COL21A1: variants seen among roughly 807,000 people sequenced by gnomAD.
The protein encoded by COL21A1 is collagen alpha-1(XXI) chain.
Under a neutral mutation model 137.9 loss-of-function variants are expected in COL21A1, and 149 were observed. The observed-to-expected ratio is 1.08, with a 90% CI of 0.95 to 1.24. The LOEUF (loss-of-function observed/expected upper bound fraction) is 1.24, where lower values mean the gene tolerates loss of function less well. Among genes scored for constraint, COL21A1 ranks in the 50% most tolerant of loss-of-function variants. COL21A1 has a pLI of 0.00. For synonymous variants in COL21A1, 456 were observed against 391.5 expected, an observed-to-expected ratio of 1.16 and a Z score of -1.95; for missense variants, 1,167 against 1,158.4, an observed-to-expected ratio of 1.01 and a Z score of -0.11.
In COL21A1 at chr6:56,070,808, C is replaced by T; in HGVS notation, c.1966-10G>A. On this transcript the variant is annotated splice_polypyrimidine_tract_variant and intron_variant, in intron 20 of 29. Transcript: ENST00000244728. Reference sequence around the variant, plus strand: ...GTTCACCTTTGCTTCCCTGTCAACACATCAAAAACATTGGAGTTTTTTAAA... The same window carrying T: ...GTTCACCTTTGCTTCCCTGTCAACATATCAAAAACATTGGAGTTTTTTAAA... The T allele has an allele frequency of 1.9e-6, 3 of 1,588,206 alleles. No individual in the cohort carries two copies. The highest frequency in any genetic ancestry group is 2.6e-6 in the Non-Finnish European group (3 of 1,169,840).
At position 56,240,559 on chromosome 6, in the gene COL21A1, G is replaced by A. The variant is rs536899447; in HGVS notation, c.-39+6828C>T. Among the ~76,000 whole-genome samples the A allele has an allele frequency of 7.2e-5, 11 of 152,352 alleles. No individual in the cohort carries two copies. The South Asian group carries it at 2.3e-3, about 32-fold the overall frequency. On this transcript the variant is annotated intron_variant, in intron 1 of 29. Transcript: ENST00000244728. ...TTTCTCAGTAGACCAATTTCCTAAA[G>A]GATCCAATGACTTCATGCTGACTTA...
intron 1 of COL21A1, among the ~76,000 whole-genome samples, chr6:56,271,859 G>C (rs776291381): frequency 9.9e-5 from 15 of 152,244 alleles, no homozygotes; most frequent in Non-Finnish European, 1.9e-4. Flanking sequence ...CCACAGCTTG[G>C]TGGCTTCCAT....
In COL21A1 at chr6:56,170,989, T is replaced by C. The variant is rs1277980392; in HGVS notation, c.780A>G (p.Thr260=). 2 of 1,604,366 alleles carry C rather than the reference T, an allele frequency of 1.2e-6. No individual in the cohort carries two copies. The highest frequency in any genetic ancestry group is 2.2e-5 in the East Asian group (1 of 44,790). The change falls in exon 4 of 30, where the codon ACA becomes ACG. Residue 260 remains threonine, a synonymous_variant. Transcript: ENST00000244728. ...TGAGTTCTGATAAATCAACTTTTGA[T>C]GTTACTTCATATCCTTTTATCTTTT... ...SPKKIKGYEV[T]SKVDLSELTS...
intron 1 of COL21A1, among the ~76,000 whole-genome samples, chr6:56,277,006 G>C (rs1288465022): frequency 2.4e-5 from 3 of 125,298 alleles, no homozygotes; most frequent in Admixed American, 7.3e-5. Flanking sequence ...ATTTTTAGTA[G>C]AGATGGGTTT....
At chr6:56,323,625 T>C (rs1290608045) in intron 1 of COL21A1, among the ~76,000 whole-genome samples, 2 of 152,030 alleles carry the variant, frequency 1.3e-5, no homozygotes, top group African/African-American at 4.8e-5. Context: ...TCTGAACTCG[T>C]GATCCACCCT....
intron 1 of COL21A1, among the ~76,000 whole-genome samples, chr6:56,219,552 T>C (rs1462929517): frequency 6.6e-6 from 1 of 152,120 alleles, no homozygotes; most frequent in East Asian, 1.9e-4. Flanking sequence ...GCGTCTCGAC[T>C]TTTTGCAAAT....
intron 17 of COL21A1, among the ~76,000 whole-genome samples, chr6:56,085,302 C>G (rs1165889609): frequency 6.6e-6 from 1 of 151,962 alleles, no homozygotes; most frequent in African/African-American, 2.4e-5. Flanking sequence ...GGATTTACCT[C>G]TCTCATATAA....
chr6:56,207,998 A>C (rs1379257775), intron 1 of COL21A1, among the ~76,000 whole-genome samples: 1 of 151,846 alleles, frequency 6.6e-6, no homozygotes, highest in African/African-American at 2.4e-5. Context: ...CATGCTAAAA[A>C]CTCTCCATAA....
At chr6:56,116,809 G>A (rs573163646) in intron 16 of COL21A1, among the ~76,000 whole-genome samples, 4 of 151,970 alleles carry the variant, frequency 2.6e-5, no homozygotes, top group African/African-American at 9.6e-5. Flanking sequence ...AAAACCAGGG[G>A]CACAAAGTTA....
intron 1 of COL21A1, among the ~76,000 whole-genome samples, chr6:56,242,204 T>C (rs1782369689): frequency 2.0e-5 from 3 of 152,164 alleles, no homozygotes; most frequent in Admixed American, 6.5e-5. Flanking sequence ...AATGTTAAAG[T>C]ATATTAATTT....
At chr6:56,171,871 A>T (rs996234156) in intron 3 of COL21A1, among the ~76,000 whole-genome samples, 1 of 151,976 alleles carries the variant, frequency 6.6e-6, no homozygotes, top group African/African-American at 2.4e-5. Context: ...GTATACAATG[A>T]CTGAAAAAAT....
intron 1 of COL21A1, among the ~76,000 whole-genome samples, chr6:56,364,865 CT>C (rs1176015075): frequency 6.6e-6 from 1 of 151,774 alleles, no homozygotes; most frequent in Admixed American, 6.6e-5. Flanking sequence ...CCATTTAAGG[CT>C]TATACAAGAA....
intron 17 of COL21A1, among the ~76,000 whole-genome samples, chr6:56,098,956 C>G (rs912661842): frequency 2.0e-5 from 3 of 150,270 alleles, no homozygotes; most frequent in African/African-American, 7.3e-5. Flanking sequence ...CCCTCATGAT[C>G]CGCCCGCCTC....
intron 5 of COL21A1, among the ~76,000 whole-genome samples, chr6:56,169,458 G>A (rs1251856702): frequency 6.6e-6 from 1 of 151,914 alleles, no homozygotes; most frequent in Non-Finnish European, 1.5e-5. Flanking sequence ...AACATTCACT[G>A]AATAAAGTCC....
At chr6:56,105,070 G>C (rs1410075112) in intron 16 of COL21A1, among the ~76,000 whole-genome samples, 2 of 152,186 alleles carry the variant, frequency 1.3e-5, no homozygotes, top group Non-Finnish European at 2.9e-5. Flanking sequence ...ATGTATTAAA[G>C]ATGTAAGACT....
chr6:56,165,919 C>CACAT (rs148850171), intron 7 of COL21A1, among the ~76,000 whole-genome samples: 4,633 of 144,306 alleles, frequency 0.032, 102 homozygotes, highest in African/African-American at 0.064. Context: ...CACACACACA[C>CACAT]ACACACACAC....
intron 17 of COL21A1, among the ~76,000 whole-genome samples, chr6:56,083,970 T>C (rs1768005683): frequency 6.6e-6 from 1 of 151,862 alleles, no homozygotes; most frequent in African/African-American, 2.4e-5. Context: ...CAAAATCATC[T>C]CAAAAGATTC....
intron 1 of COL21A1, among the ~76,000 whole-genome samples, chr6:56,286,409 G>A (rs748890076): frequency 4.3e-4 from 65 of 151,874 alleles, no homozygotes; most frequent in Non-Finnish European, 6.6e-4. Context: ...ACAGATACAC[G>A]TACACATACA....
chr6:56,074,245 G>C lies in COL21A1; in HGVS notation c.1952C>G (p.Thr651Arg). The change falls in exon 20 of 30, where the codon ACA (threonine) becomes AGA (arginine). Residue 651 changes from threonine to arginine, a missense_variant. Physicochemically the swap from Thr to Arg is moderately conservative, Grantham distance 71. Coordinates refer to ENST00000244728, the MANE Select transcript of COL21A1 (RefSeq NM_030820.4). The stretch of plus-strand genomic sequence containing the variant: ...TATCATATTTACCTTAGATCCCGGT[G>C]TTCCAGGCTGGCCTGGTGAGCCATT... ...GSNGSPGQPGTPGSKGSKGEP... is the reference protein window; with the variant it reads ...GSNGSPGQPGRPGSKGSKGEP... 3 of 1,586,846 alleles carry C rather than the reference G, an allele frequency of 1.9e-6. No individual in the cohort carries two copies. The highest frequency in any genetic ancestry group is 2.6e-6 in the Non-Finnish European group (3 of 1,166,678).
Sources: gnomAD v4.1 joint callset for allele counts (sites outside exome capture counted in the v4.1 genomes callset) on GRCh38, gnomAD v4.1.1 for gene constraint, MANE v1.5 for transcripts, NCBI Gene and HGNC (gene_info 2026-07-23, HGNC 2026-07-21) for gene names.